Variants in DIAPH1 observed in about 807,000 individuals in gnomAD.
DIAPH1 encodes the protein protein diaphanous homolog 1.
DIAPH1 carries 46 observed loss-of-function variants against 140.7 expected under a neutral mutation model. The ratio of observed to expected loss-of-function variants is 0.33; its 90% CI spans 0.26 to 0.42. DIAPH1 has a LOEUF of 0.42. DIAPH1 is among the 10% of genes least tolerant of loss of function. The probability of loss-of-function intolerance (pLI) is 1.00; values close to 1 mark genes in which losing one functional copy is unlikely to be tolerated. For missense variants in DIAPH1, 1,310 were observed against 1,558.7 expected (o/e 0.84, Z 2.69); for synonymous variants, 565 against 551.6 (o/e 1.02, Z -0.34).
intron 3 of DIAPH1, among the ~76,000 whole-genome samples, chr5:141,584,543 T>C (rs1596389988): frequency 1.3e-5 from 2 of 152,218 alleles, no homozygotes; most frequent in East Asian, 1.9e-4. Flanking sequence ...GCATCAAGGA[T>C]GGACCTTAAA....
At chr5:141,609,876 TCA>T (rs1480195897) in intron 1 of DIAPH1, among the ~76,000 whole-genome samples, 1 of 152,198 alleles carries the variant, frequency 6.6e-6, no homozygotes, top group Non-Finnish European at 1.5e-5. Flanking sequence ...CCCGAAATCC[TCA>T]GAGTATCAGA....
At chr5:141,520,451 G>A (rs1159653924) in intron 27 of DIAPH1, among the ~76,000 whole-genome samples, 1 of 152,112 alleles carries the variant, frequency 6.6e-6, no homozygotes, top group Non-Finnish European at 1.5e-5. Flanking sequence ...ACAGTAATGA[G>A]CTCATACAAG....
At chr5:141,590,000 C>T (rs1474728502) in intron 1 of DIAPH1, among the ~76,000 whole-genome samples, 1 of 152,034 alleles carries the variant, frequency 6.6e-6, no homozygotes, top group Non-Finnish European at 1.5e-5. Context: ...ATCTGCCCGC[C>T]TCCGCCTCCT....
At position 141,515,076 on chromosome 5, in the gene DIAPH1, T is replaced by C. The variant is rs1192282693; in HGVS notation, c.*1775A>G. The C allele has an allele frequency of 6.6e-6, 1 of 152,592 alleles. No homozygotes were observed. The highest frequency in any genetic ancestry group is 1.5e-5 in the Non-Finnish European group (1 of 68,028). The allele number at this position is 152,592 out of a possible 1,614,324, so 9.5% of individuals were successfully genotyped here. A position where few individuals can be genotyped will look rare whatever the true frequency, so the allele number is the denominator to read the frequency against. ...AACAAAACCAACAAACTGGAGGTGATGACATCCCAGAAGCCTATGAGGCAA... is the reference window on the plus strand; with the variant it reads ...AACAAAACCAACAAACTGGAGGTGACGACATCCCAGAAGCCTATGAGGCAA... On this transcript the variant is annotated 3_prime_UTR_variant, in exon 28 of 28. Transcript: ENST00000389054.
intron 1 of DIAPH1, among the ~76,000 whole-genome samples, chr5:141,604,059 C>T (rs549413764): frequency 3.3e-5 from 5 of 152,104 alleles, no homozygotes; most frequent in Admixed American, 2.0e-4. Context: ...CTATAAAGCA[C>T]ACATGGTTTG....
chr5:141,536,094 G>GT, intron 18 of DIAPH1: 1 of 444,854 alleles, frequency 2.2e-6, no homozygotes, highest in Non-Finnish European at 4.7e-6. Context: ...GAGCTCAGGA[G>GT]TTTGAGACCA....
At position 141,582,184 on chromosome 5, in the gene DIAPH1, T is replaced by C. The variant is rs1271660480; in HGVS notation, c.684+128A>G. 4.1e-6 allele frequency: 3 copies of C among 736,518 alleles called. No individual in the cohort carries two copies. In the South Asian group the frequency reaches 4.4e-5, roughly 11 times the overall value. 45.6% of individuals were successfully genotyped at this position (736,518 alleles called of 1,614,324 possible). A position where few individuals can be genotyped will look rare whatever the true frequency, so the allele number is the denominator to read the frequency against. ...ATGTATATGTGGCAATGAAAAACAG[T>C]TATGATACTAAAAGAGAAAGCTAGA... On this transcript the variant is annotated intron_variant, in intron 7 of 27. Coordinates refer to ENST00000389054, the MANE Select transcript of DIAPH1 (RefSeq NM_005219.5).
intron 1 of DIAPH1, among the ~76,000 whole-genome samples, chr5:141,606,579 G>C (rs1596409397): frequency 6.6e-6 from 1 of 152,074 alleles, no homozygotes; most frequent in Admixed American, 6.5e-5. Flanking sequence ...ATTTTTAGTA[G>C]AGACGGGGTT....
intron 16 of DIAPH1, among the ~76,000 whole-genome samples, chr5:141,573,219 G>A (rs887186513): frequency 2.6e-5 from 4 of 151,956 alleles, no homozygotes; most frequent in Non-Finnish European, 4.4e-5. Flanking sequence ...GGCGGATCAC[G>A]AGGTCAGGAG....
intron 26 of DIAPH1, chr5:141,524,794 G>C (rs549704815): frequency 2.6e-4 from 45 of 173,054 alleles, no homozygotes; most frequent in African/African-American, 8.1e-4. Flanking sequence ...GCCTGGCTCG[G>C]TTTCCATGAC....
chr5:141,576,790 G>A lies in DIAPH1; in HGVS notation c.1362C>T (p.Cys454=), dbSNP rs1314192550. Residue 454 remains cysteine, a synonymous_variant, in exon 13 of 28, where the codon TGC becomes TGT. Coordinates refer to ENST00000389054, the MANE Select transcript of DIAPH1 (RefSeq NM_005219.5). The part of the protein sequence containing the change: ...HKNGADPDFK[C]RHLQIEIEGL... ...CCTCAATCTCAATCTGGAGGTGCCG[G>A]CACTTGAAGTCAGGATCAGCCCCGT... 1.2e-6 allele frequency: 2 copies of A among 1,613,528 alleles called. No homozygotes were observed. Among genetic ancestry groups the A allele is most frequent in the African/African-American group, 2.7e-5 (2 of 74,888 alleles).
intron 18 of DIAPH1, among the ~76,000 whole-genome samples, chr5:141,551,829 C>A (rs76116524): frequency 6.6e-6 from 1 of 152,156 alleles, no homozygotes; most frequent in African/African-American, 2.4e-5. Flanking sequence ...GAACACTTCA[C>A]GTAACTGAAG....
chr5:141,573,944 C>G lies in DIAPH1; in HGVS notation c.1906G>C (p.Gly636Arg). ...CISSPPSLPG[G>R]TAISPPPPLS... ...GGAGGGGGTGGAGAGATAGCAGTAC[C>G]TCCAGGTAAAGAAGGGGGTGAGGAG... The change falls in exon 16 of 28, where the codon GGT becomes CGT. Residue 636 changes from glycine (G) to arginine (R), a missense_variant. Around this residue, in one of 3 missense-constraint regions of DIAPH1, gnomAD observed 589 missense variants for 549.3 expected, o/e 1.07. Coordinates refer to ENST00000389054, the MANE Select transcript of DIAPH1 (RefSeq NM_005219.5). 6.4e-7 allele frequency: 1 copy of G among 1,550,998 alleles called. No homozygotes were observed. The highest frequency in any genetic ancestry group is 8.7e-7 in the Non-Finnish European group (1 of 1,147,680).
intron 3 of DIAPH1, among the ~76,000 whole-genome samples, chr5:141,586,265 T>C (rs549941904): frequency 1.4e-4 from 21 of 152,344 alleles, no homozygotes; most frequent in Admixed American, 5.2e-4. Context: ...AGAGACAAAC[T>C]GAAAGATTCA....
At chr5:141,535,407 T>C (rs2099888856) in intron 18 of DIAPH1, among the ~76,000 whole-genome samples, 1 of 152,248 alleles carries the variant, frequency 6.6e-6, no homozygotes, top group African/African-American at 2.4e-5. Flanking sequence ...TGATAAATGA[T>C]ACTCACTCTC....
At chr5:141,554,122 A>G (rs555943212) in intron 18 of DIAPH1, among the ~76,000 whole-genome samples, 20 of 152,154 alleles carry the variant, frequency 1.3e-4, no homozygotes, top group African/African-American at 4.3e-4. Flanking sequence ...CTACCAAAAT[A>G]CAAAATTAGC....
chr5:141,549,200 T>C (rs1427446267), intron 18 of DIAPH1, among the ~76,000 whole-genome samples: 1 of 151,960 alleles, frequency 6.6e-6, no homozygotes. Flanking sequence ...GAGAGTAAAA[T>C]AGTGGAAGAA....
intron 1 of DIAPH1, among the ~76,000 whole-genome samples, chr5:141,610,507 G>A (rs928813609): frequency 1.6e-4 from 24 of 152,024 alleles, no homozygotes; most frequent in African/African-American, 5.6e-4. Flanking sequence ...CACCATGTTG[G>A]CCAGGATGGT....
At chr5:141,575,261 C>CCCACTGCCT in intron 14 of DIAPH1, 115 bp from the exon 15 acceptor site, 1 of 996,040 alleles carries the variant, frequency 1.0e-6, no homozygotes. Flanking sequence ...CTGGAATCCC[C>CCCACTGCCT]CCACTGCCTC....
Sources: gnomAD v4.1 joint callset for allele counts (sites outside exome capture counted in the v4.1 genomes callset) on GRCh38, gnomAD v4.1.1 for gene constraint, gnomAD v4.1.1 regional missense constraint, MANE v1.5 for transcripts, NCBI Gene and HGNC (gene_info 2026-07-23, HGNC 2026-07-21) for gene names.